Variants in VEZT observed in about 807,000 individuals in gnomAD.
The protein encoded by VEZT is vezatin.
A neutral mutation model predicts 79.9 loss-of-function variants in VEZT; 39 were observed. That is an observed-to-expected ratio of 0.49 (90% CI 0.38 to 0.64). The LOEUF is 0.64. Ranked by LOEUF, VEZT falls within the 30% of genes least tolerant of loss-of-function variation. The pLI, the probability that VEZT is intolerant of heterozygous loss-of-function variation, is 0.00. For synonymous variants in VEZT, 325 were observed against 327.6 expected (o/e 0.99, Z 0.09); for missense variants, 837 against 893.1 (o/e 0.94, Z 0.80).
At chr12:95,273,305 CTG>C (rs2067004819) in intron 6 of VEZT, among the ~76,000 whole-genome samples, 1 of 151,968 alleles carries the variant, frequency 6.6e-6, no homozygotes, top group South Asian at 2.1e-4. Context: ...ATAAAAGGGA[CTG>C]TGTGTTTATA....
chr12:95,278,776 A>G (rs905625635), intron 7 of VEZT, among the ~76,000 whole-genome samples: 2 of 152,184 alleles, frequency 1.3e-5, no homozygotes, highest in African/African-American at 4.8e-5. Flanking sequence ...TCCAGGCGTG[A>G]GTCTTATCCA....
intron 1 of VEZT, among the ~76,000 whole-genome samples, chr12:95,230,794 C>T (rs895673717): frequency 3.9e-5 from 6 of 151,986 alleles, no homozygotes; most frequent in African/African-American, 1.2e-4. Flanking sequence ...TTTAAGTGAC[C>T]GATGTGTGCC....
intron 6 of VEZT, among the ~76,000 whole-genome samples, chr12:95,272,659 A>T (rs572557852): frequency 6.6e-6 from 1 of 152,248 alleles, no homozygotes; most frequent in Non-Finnish European, 1.5e-5. Context: ...AGTAATGAGA[A>T]CACAGTGATA....
At chr12:95,273,822 A>C (rs1375118745) in intron 6 of VEZT, among the ~76,000 whole-genome samples, 1 of 152,232 alleles carries the variant, frequency 6.6e-6, no homozygotes, top group Non-Finnish European at 1.5e-5. Flanking sequence ...TTAATATTGG[A>C]TTGTATCAAA....
At chr12:95,234,115 T>A (rs1272983859) in intron 1 of VEZT, among the ~76,000 whole-genome samples, 2 of 152,206 alleles carry the variant, frequency 1.3e-5, no homozygotes, top group Admixed American at 6.5e-5. Flanking sequence ...AAGGTGAAGT[T>A]TAACATGTTT....
intron 1 of VEZT, among the ~76,000 whole-genome samples, chr12:95,239,945 C>T (rs894144571): frequency 4.5e-4 from 33 of 73,336 alleles, no homozygotes; most frequent in South Asian, 2.0e-3. Flanking sequence ...GAGGGAGACT[C>T]GAAAGAGAGA....
At chr12:95,233,866 C>T (rs1461549527) in intron 1 of VEZT, among the ~76,000 whole-genome samples, 2 of 151,792 alleles carry the variant, frequency 1.3e-5, no homozygotes, top group Non-Finnish European at 2.9e-5. Flanking sequence ...TAGTACTAGT[C>T]GATATTCTTG....
chr12:95,260,559 T>C (rs774646280), intron 3 of VEZT, among the ~76,000 whole-genome samples: 1 of 152,216 alleles, frequency 6.6e-6, no homozygotes, highest in African/African-American at 2.4e-5. Flanking sequence ...GTAGAATATC[T>C]GTGAAGAGAG....
chr12:95,230,701 A>G (rs2059160155), intron 1 of VEZT, among the ~76,000 whole-genome samples: 1 of 151,996 alleles, frequency 6.6e-6, no homozygotes. Flanking sequence ...CATTTTGCCA[A>G]TTGTGTTTGA....
At chr12:95,298,018 G>A (rs997577691) in intron 11 of VEZT, among the ~76,000 whole-genome samples, 1 of 152,080 alleles carries the variant, frequency 6.6e-6, no homozygotes, top group Admixed American at 6.5e-5. Flanking sequence ...TGCTCTGGAG[G>A]CTGAGGCAGG....
At chr12:95,286,964 G>A (rs2071088684) in intron 8 of VEZT, 1 of 146,236 alleles carries the variant, frequency 6.8e-6, no homozygotes, top group Non-Finnish European at 1.5e-5. Flanking sequence ...GGGAGCCAGG[G>A]AGCTGTTGTT....
chr12:95,280,574 G>C (rs1456371021), intron 7 of VEZT, among the ~76,000 whole-genome samples: 1 of 149,114 alleles, frequency 6.7e-6, no homozygotes, highest in Non-Finnish European at 1.5e-5. Context: ...TCTTTGCTGT[G>C]TTTTTCCCAT....
chr12:95,273,222 C>A lies in VEZT; in HGVS notation c.849-1520C>A, dbSNP rs2066985592. 3.3e-5 allele frequency among the ~76,000 whole-genome samples: 5 copies of A among 152,004 alleles called. No homozygotes were observed. The South Asian group carries it at 1.0e-3, about 32-fold the overall frequency. ...GAGTTCTTAGTGCTCTAATGTGGAT[C>A]TCCAAGTTATATTAAGTGAAAAAAA... On this transcript the variant is annotated intron_variant, in intron 6 of 11. Coordinates refer to ENST00000436874, the MANE Select transcript of VEZT (RefSeq NM_017599.4).
At chr12:95,267,485 T>G (rs1484590133) in intron 5 of VEZT, among the ~76,000 whole-genome samples, 1 of 152,160 alleles carries the variant, frequency 6.6e-6, no homozygotes, top group African/African-American at 2.4e-5. Flanking sequence ...TCATAGCTCT[T>G]AATTAGTCGT....
chr12:95,268,081 A>G (rs1286159531), intron 5 of VEZT, among the ~76,000 whole-genome samples: 1 of 152,176 alleles, frequency 6.6e-6, no homozygotes, highest in African/African-American at 2.4e-5. Flanking sequence ...AGTTCTTAGC[A>G]TCTGTTGATT....
chr12:95,220,767 T>C (rs2057455838), intron 1 of VEZT, among the ~76,000 whole-genome samples: 1 of 152,216 alleles, frequency 6.6e-6, no homozygotes, highest in South Asian at 2.1e-4. Flanking sequence ...CTATTAATGG[T>C]CATTGAGTAG....
At chr12:95,221,215 A>G (rs568713135) in intron 1 of VEZT, among the ~76,000 whole-genome samples, 2 of 152,290 alleles carry the variant, frequency 1.3e-5, no homozygotes, top group African/African-American at 4.8e-5. Context: ...ATTTACATAC[A>G]CTGGATACAA....
At chr12:95,274,261 T>C (rs946670109) in intron 6 of VEZT, among the ~76,000 whole-genome samples, 1 of 151,982 alleles carries the variant, frequency 6.6e-6, no homozygotes, top group Non-Finnish European at 1.5e-5. Flanking sequence ...GGCCAGGAGT[T>C]CAAGACCAGC....
chr12:95,261,562 C>A (rs1187976020), intron 3 of VEZT, among the ~76,000 whole-genome samples: 3 of 152,222 alleles, frequency 2.0e-5, no homozygotes, highest in African/African-American at 7.2e-5. Context: ...CAGGCATGTG[C>A]CACCATGCCC....
Sources: allele counts gnomAD v4.1 joint callset (sites outside exome capture counted in the v4.1 genomes callset), GRCh38; gene constraint gnomAD v4.1.1; transcripts MANE v1.5; gene names NCBI Gene and HGNC (gene_info 2026-07-23, HGNC 2026-07-21).